The following ZC3H12B variants were observed in gnomAD, a reference collection of about 807,000 sequenced individuals.
The protein encoded by ZC3H12B is probable ribonuclease ZC3H12B.
Under a neutral mutation model 43.9 loss-of-function variants are expected in ZC3H12B, and 7 were observed. The observed-to-expected ratio is 0.16, with a 90% CI of 0.09 to 0.30. The LOEUF is 0.30. ZC3H12B is among the 10% of genes least tolerant of loss of function. The pLI, the probability that ZC3H12B is intolerant of heterozygous loss-of-function variation, is 1.00. For synonymous variants in ZC3H12B, 222 were observed against 241.7 expected (o/e 0.92, Z 0.76); for missense variants, 475 against 670.2 (o/e 0.71, Z 3.22).
At chrX:65,105,987 G>C in the ZC3H12B span, among the ~76,000 whole-genome samples, 1 of 111,749 alleles carries the variant, frequency 8.9e-6, no homozygotes, top group South Asian at 3.7e-4. Flanking sequence ...AGTGCTCTCT[G>C]ATATCCGTTA....
At chrX:65,062,841 A>G in the ZC3H12B span, among the ~76,000 whole-genome samples, 6 of 111,799 alleles carry the variant, frequency 5.4e-5, no homozygotes, top group African/African-American at 2.0e-4. Flanking sequence ...TTCCTTGAGC[A>G]GTAGTTTGTA....
the ZC3H12B span, among the ~76,000 whole-genome samples, chrX:65,291,291 T>C: frequency 3.6e-5 from 4 of 111,806 alleles, no homozygotes; most frequent in Non-Finnish European, 7.6e-5. Flanking sequence ...AAAATTTACT[T>C]CTTGGTATTT....
At chrX:65,268,082 C>T in the ZC3H12B span, among the ~76,000 whole-genome samples, 1 of 110,537 alleles carries the variant, frequency 9.0e-6, no homozygotes, top group Non-Finnish European at 1.9e-5. Flanking sequence ...AAAATGGAGA[C>T]ATTACAACAG....
chrX:65,096,345 G>T, the ZC3H12B span, among the ~76,000 whole-genome samples: 15 of 111,008 alleles, frequency 1.4e-4, no homozygotes, highest in African/African-American at 3.9e-4. Flanking sequence ...AAACCTGCAC[G>T]TCCTGCACAT....
the ZC3H12B span, among the ~76,000 whole-genome samples, chrX:65,173,181 C>A: frequency 9.0e-6 from 1 of 111,484 alleles, no homozygotes; most frequent in African/African-American, 3.3e-5. Flanking sequence ...CTTTTTGTAG[C>A]AATTCTGAAT....
At chrX:65,392,537 C>A (rs1431776962) in intron 2 of ZC3H12B, among the ~76,000 whole-genome samples, 1 of 111,882 alleles carries the variant, frequency 8.9e-6, no homozygotes, top group Admixed American at 9.3e-5. Flanking sequence ...CGGTAGCCAC[C>A]CCGTCTGGGA....
At chrX:65,085,146 G>A in the ZC3H12B span, among the ~76,000 whole-genome samples, 1 of 111,439 alleles carries the variant, frequency 9.0e-6, no homozygotes, top group African/African-American at 3.3e-5. Context: ...GTGGAGATGA[G>A]TGATGGATAC....
the ZC3H12B span, among the ~76,000 whole-genome samples, chrX:65,037,686 C>A: frequency 2.7e-5 from 3 of 110,796 alleles, no homozygotes; most frequent in African/African-American, 9.8e-5. Flanking sequence ...CTAAGTGTTT[C>A]ATACAACACT....
chrX:65,282,784 T>A, the ZC3H12B span, among the ~76,000 whole-genome samples: 17 of 111,638 alleles, frequency 1.5e-4, no homozygotes, highest in Admixed American at 6.6e-4. Context: ...AAGAAGTTGA[T>A]TTGCAGAATA....
chrX:65,123,616 G>C, the ZC3H12B span, among the ~76,000 whole-genome samples: 1 of 105,975 alleles, frequency 9.4e-6, no homozygotes, highest in Admixed American at 9.8e-5. Context: ...CATGAGCATA[G>C]GATGTGTTTC....
At chrX:65,063,036 C>T in the ZC3H12B span, among the ~76,000 whole-genome samples, 2 of 112,109 alleles carry the variant, frequency 1.8e-5, no homozygotes, top group Non-Finnish European at 3.8e-5. Context: ...GCTGAAGTTG[C>T]TTATCAGCTT....
chrX:65,281,741 C>T, the ZC3H12B span, among the ~76,000 whole-genome samples: 1 of 112,252 alleles, frequency 8.9e-6, no homozygotes, highest in Middle Eastern at 4.2e-3. Flanking sequence ...ACAGGGTAAA[C>T]ACTTCAGGAT....
intron 3 of ZC3H12B, among the ~76,000 whole-genome samples, chrX:65,450,258 C>T (rs2067454615): frequency 1.0e-5 from 1 of 98,446 alleles, no homozygotes. Context: ...GAGCTGAAAT[C>T]ATGTCACTGC....
chrX:65,160,144 G>T, the ZC3H12B span, among the ~76,000 whole-genome samples: 16 of 111,764 alleles, frequency 1.4e-4, no homozygotes, highest in Non-Finnish European at 2.8e-4. Flanking sequence ...GGTTTTTGAT[G>T]TGCTGCTGGA....
At chrX:65,206,435 G>A in the ZC3H12B span, among the ~76,000 whole-genome samples, 1 of 111,591 alleles carries the variant, frequency 9.0e-6, no homozygotes, top group Admixed American at 9.6e-5. Context: ...TCAACAAATG[G>A]TGCTTGGATA....
At chrX:65,456,423 C>T (rs1281589691) in intron 3 of ZC3H12B, among the ~76,000 whole-genome samples, 1 of 57,631 alleles carries the variant, frequency 1.7e-5, no homozygotes, top group Non-Finnish European at 3.0e-5. Context: ...CTCCCTCTCC[C>T]TCTCCCTCTC....
chrX:65,117,709 T>A, the ZC3H12B span, among the ~76,000 whole-genome samples: 1 of 112,076 alleles, frequency 8.9e-6, no homozygotes, highest in Non-Finnish European at 1.9e-5. Flanking sequence ...AACATTTAAG[T>A]CTTTAATCCA....
chrX:65,155,595 G>C, the ZC3H12B span, among the ~76,000 whole-genome samples: 1 of 111,800 alleles, frequency 8.9e-6, no homozygotes, highest in Non-Finnish European at 1.9e-5. Context: ...GCTTATGCCT[G>C]TAATCCCAGC....
At chrX:65,230,333 A>G in the ZC3H12B span, among the ~76,000 whole-genome samples, 2 of 108,934 alleles carry the variant, frequency 1.8e-5, no homozygotes, top group African/African-American at 3.3e-5. Context: ...GAATTGAACA[A>G]TGAGCTCACA....
Sources: allele counts gnomAD v4.1 joint callset (sites outside exome capture counted in the v4.1 genomes callset), GRCh38; gene constraint gnomAD v4.1.1; transcripts MANE v1.5; gene names NCBI Gene and HGNC (gene_info 2026-07-23, HGNC 2026-07-21).